OR6P1: variants seen among roughly 807,000 people sequenced by gnomAD.
OR6P1 encodes the protein olfactory receptor 6P1.
Under a neutral mutation model 6.6 loss-of-function variants are expected in OR6P1, and 5 were observed. That is an observed-to-expected ratio of 0.76 (90% confidence interval 0.40 to 1.60). The LOEUF (loss-of-function observed/expected upper bound fraction) is 1.60, where lower values mean the gene tolerates loss of function less well. Ranked by LOEUF, OR6P1 falls within the 40% of genes most tolerant of loss-of-function variation. The probability of loss-of-function intolerance (pLI) is 0.02; values close to 1 mark genes in which losing one functional copy is unlikely to be tolerated. For synonymous variants in OR6P1, 177 were observed against 149.6 expected (o/e 1.18, Z -1.33); for missense variants, 451 against 383.0 (o/e 1.18, Z -1.48).
chr1:158,563,942 T>G (rs1308278599), intron 2 of OR6P1, among the ~76,000 whole-genome samples: 1 of 152,126 alleles, frequency 6.6e-6, no homozygotes, highest in African/African-American at 2.4e-5. Flanking sequence ...GAAACAACAA[T>G]AAACTCCTAA....
At chr1:158,565,640 A>T (rs917804231) in intron 2 of OR6P1, among the ~76,000 whole-genome samples, 1 of 152,192 alleles carries the variant, frequency 6.6e-6, no homozygotes, top group Non-Finnish European at 1.5e-5. Context: ...AAAAATTTTT[A>T]AATTTACTGG....
chr1:158,569,608 G>T (rs1420055805), intron 1 of OR6P1, among the ~76,000 whole-genome samples: 1 of 152,124 alleles, frequency 6.6e-6, no homozygotes, highest in Admixed American at 6.6e-5. Flanking sequence ...TATCTATAAG[G>T]CATATGAAGA....
chr1:158,564,183 T>C (rs182220529), intron 2 of OR6P1, among the ~76,000 whole-genome samples: 2 of 152,332 alleles, frequency 1.3e-5, no homozygotes, highest in Admixed American at 1.3e-4. Context: ...ATAATGAAGT[T>C]CTGCTCCAGA....
intron 2 of OR6P1, among the ~76,000 whole-genome samples, chr1:158,564,233 A>G (rs1648041889): frequency 6.6e-6 from 1 of 152,218 alleles, no homozygotes; most frequent in Non-Finnish European, 1.5e-5. Context: ...ATATTTTTGA[A>G]TACATTTGTA....
intron 1 of OR6P1, among the ~76,000 whole-genome samples, chr1:158,569,667 A>G (rs1202946229): frequency 6.6e-6 from 1 of 152,214 alleles, no homozygotes; most frequent in Non-Finnish European, 1.5e-5. Context: ...AGTATTTTTC[A>G]TATGCTAACT....
chr1:158,565,173 A>T (rs1167176437), intron 2 of OR6P1, among the ~76,000 whole-genome samples: 5 of 152,188 alleles, frequency 3.3e-5, no homozygotes. Context: ...TGTAGCTAGG[A>T]CTACAGGCAC....
At chr1:158,568,955 A>G (rs1648174899) in intron 1 of OR6P1, among the ~76,000 whole-genome samples, 1 of 152,216 alleles carries the variant, frequency 6.6e-6, no homozygotes, top group African/African-American at 2.4e-5. Flanking sequence ...GCCATAATAC[A>G]TAACCAACGT....
rs528498615 is a variant in OR6P1, at chr1:158,561,049, A to T, written c.*1602T>A. On this transcript the variant is annotated 3_prime_UTR_variant, in exon 3 of 3. Transcript: ENST00000641540. ...AAAAAAATGCTAACCCTTTGCCCGC[A>T]TATGTGTTATTTATTTAATATTCAC... 6.6e-6 allele frequency: 1 copy of T among 152,316 alleles called. No individual in the cohort carries two copies. Among genetic ancestry groups the T allele is most frequent in the South Asian group, 2.1e-4 (1 of 4,822 alleles). 9.4% of individuals were successfully genotyped at this position (152,316 alleles called of 1,614,324 possible).
At chr1:158,564,975 T>C (rs2101717189) in intron 2 of OR6P1, among the ~76,000 whole-genome samples, 1 of 152,360 alleles carries the variant, frequency 6.6e-6, no homozygotes, top group African/African-American at 2.4e-5. Context: ...TGGTGTGATA[T>C]AAGTACCTGT....
rs540619712 is a variant in OR6P1 at position 158,567,713 on chromosome 1, C to T, written c.-117-855G>A. 4.0e-5 allele frequency among the ~76,000 whole-genome samples: 6 copies of T among 150,364 alleles called. No homozygotes were observed. The East Asian group carries it at 1.2e-3, about 29-fold the overall frequency. The stretch of plus-strand genomic sequence containing the variant: ...ATGCTAGATGACGAGTTAGTGGGTG[C>T]AGCGCACCAGCATGGCACATGTATA... On this transcript the variant is annotated intron_variant, in intron 1 of 2. Transcript: ENST00000641540.
rs1044759562 is a variant in OR6P1, at chr1:158,561,973, C to A, written c.*678G>T. On this transcript the variant is annotated 3_prime_UTR_variant, in exon 3 of 3. Coordinates refer to ENST00000641540, the MANE Select transcript of OR6P1 (RefSeq NM_001160325.2). ...ATATTTGTTAGGTCAACCAGCTTTACATGCCCCTGAGATTCAAAGAAGGGA... is the reference window on the plus strand; with the variant it reads ...ATATTTGTTAGGTCAACCAGCTTTAAATGCCCCTGAGATTCAAAGAAGGGA... 6.6e-6 allele frequency: 1 copy of A among 152,278 alleles called. No individual in the cohort carries two copies. Among genetic ancestry groups the A allele is most frequent in the African/African-American group, 2.4e-5 (1 of 41,458 alleles). The allele number at this position is 152,278 out of a possible 1,614,324, so 9.4% of individuals were successfully genotyped here. A position where few individuals can be genotyped will look rare whatever the true frequency, so the allele number is the denominator to read the frequency against.
In OR6P1 at chr1:158,561,929, T is replaced by C. The variant is rs7525901; in HGVS notation, c.*722A>G. 6.6e-6 allele frequency: 1 copy of C among 152,284 alleles called. No individual in the cohort carries two copies. The highest frequency in any genetic ancestry group is 6.5e-5 in the Admixed American group (1 of 15,280). The allele number at this position is 152,284 out of a possible 1,614,324, so 9.4% of individuals were successfully genotyped here. On this transcript the variant is annotated 3_prime_UTR_variant, in exon 3 of 3. Transcript: ENST00000641540. Reference sequence around the variant, plus strand: ...TCTGTATATAAGCTTTCTAGAACATTTTACCTACTACCTGGTCAATATTTG... The same window carrying C: ...TCTGTATATAAGCTTTCTAGAACATCTTACCTACTACCTGGTCAATATTTG...
In OR6P1 at chr1:158,569,915, T is replaced by G. The variant is rs574802211; in HGVS notation, c.-118+527A>C. Among the ~76,000 whole-genome samples, 7 of 152,314 alleles carry G rather than the reference T, an allele frequency of 4.6e-5. No homozygotes were observed. In the South Asian group the frequency reaches 8.3e-4, roughly 18 times the overall value. ...CCAAGTGGACTCATTTACATAACAA[T>G]AAAGGGTTTTTGTTTGTTTGTCTTC... On this transcript the variant is annotated intron_variant, in intron 1 of 2. Coordinates refer to ENST00000641540, the MANE Select transcript of OR6P1 (RefSeq NM_001160325.2).
At position 158,561,856 on chromosome 1, in the gene OR6P1, C is replaced by T. The variant is rs1647961413; in HGVS notation, c.*795G>A. 1 of 152,142 alleles carries T rather than the reference C, an allele frequency of 6.6e-6. No homozygotes were observed. The highest frequency in any genetic ancestry group is 6.5e-5 in the Admixed American group (1 of 15,274). The allele number at this position is 152,142 out of a possible 1,614,324, so 9.4% of individuals were successfully genotyped here. A position where few individuals can be genotyped will look rare whatever the true frequency, so the allele number is the denominator to read the frequency against. ...AAAATATTTCACTATCGGTATAGCC[C>T]TGGCACTAATTACTTAAAACAGGTG... On this transcript the variant is annotated 3_prime_UTR_variant, in exon 3 of 3. Transcript: ENST00000641540.
Position 158,563,341 on chromosome 1 carries a change from C to T in OR6P1, c.264G>A (p.Gln88=), listed in dbSNP as rs1557900032. Residue 88 remains glutamine (Q), a synonymous_variant, in exon 3 of 3, where the codon CAG becomes CAA. Coordinates refer to ENST00000641540, the MANE Select transcript of OR6P1 (RefSeq NM_001160325.2). The part of the protein sequence containing the change: ...IPRLLAAFLT[Q]DGRVSYVGCM... The stretch of plus-strand genomic sequence containing the variant: ...AACCTACGTAGGAGACTCTACCATC[C>T]TGGGTAAGAAAGGCTGCCAAGAGCC... 1 of 1,551,498 alleles carries T rather than the reference C, an allele frequency of 6.4e-7. No individual in the cohort carries two copies. Among genetic ancestry groups the T allele is most frequent in the Non-Finnish European group, 8.7e-7 (1 of 1,146,946 alleles).
At chr1:158,568,891 C>T (rs969538828) in intron 1 of OR6P1, among the ~76,000 whole-genome samples, 2 of 152,114 alleles carry the variant, frequency 1.3e-5, no homozygotes, top group Non-Finnish European at 2.9e-5. Flanking sequence ...ATTTGTCCTC[C>T]TTGGTAGCAG....
intron 1 of OR6P1, among the ~76,000 whole-genome samples, chr1:158,569,360 G>GTGT: frequency 6.6e-6 from 1 of 152,236 alleles, no homozygotes; most frequent in Non-Finnish European, 1.5e-5. Flanking sequence ...AGATTGCCTG[G>GTGT]TGTTCAGTGG....
intron 1 of OR6P1, among the ~76,000 whole-genome samples, chr1:158,568,062 A>G (rs1386303766): frequency 1.3e-5 from 2 of 151,874 alleles, no homozygotes; most frequent in East Asian, 3.9e-4. Flanking sequence ...CCTTTTTGCT[A>G]TTTAACCTGG....
At chr1:158,569,961 T>C (rs546049402) in intron 1 of OR6P1, among the ~76,000 whole-genome samples, 19 of 152,312 alleles carry the variant, frequency 1.2e-4, no homozygotes, top group African/African-American at 4.6e-4. Flanking sequence ...GCAGTCAAAT[T>C]CATTCAATAG....
Sources: allele counts gnomAD v4.1 joint callset (sites outside exome capture counted in the v4.1 genomes callset), GRCh38; gene constraint gnomAD v4.1.1; transcripts MANE v1.5; gene names NCBI Gene and HGNC (gene_info 2026-07-23, HGNC 2026-07-21).